The following KIF7 variants were observed in gnomAD, a reference collection of about 807,000 sequenced individuals.
KIF7 encodes the protein kinesin-like protein KIF7.
Under a neutral mutation model 135.7 loss-of-function variants are expected in KIF7, and 104 were observed. That is an observed-to-expected ratio of 0.77 (90% CI 0.65 to 0.90). The LOEUF (loss-of-function observed/expected upper bound fraction) is 0.90. KIF7 is among the 40% of genes least tolerant of loss of function. The pLI, the probability that KIF7 is intolerant of heterozygous loss-of-function variation, is 0.00. For synonymous variants in KIF7, 883 were observed against 809.4 expected, an observed-to-expected ratio of 1.09 and a Z score of -1.54; for missense variants, 2,005 against 1,839.1, an observed-to-expected ratio of 1.09 and a Z score of -1.65.
chr15:89,617,858 A>G (rs375941125), intron 2 of KIF7, among the ~76,000 whole-genome samples: 1 of 151,934 alleles, frequency 6.6e-6, no homozygotes, highest in African/African-American at 2.4e-5. Context: ...CGCCCAGCTA[A>G]TTTTTGTATT....
intron 1 of KIF7, chr15:89,618,315 T>C: frequency 9.6e-7 from 1 of 1,047,018 alleles, no homozygotes; most frequent in Non-Finnish European, 1.5e-6. Flanking sequence ...TTACAGAAAT[T>C]GTGATGGCTC....
chr15:89,652,716 T>C lies in KIF7; in HGVS notation c.215A>G (p.Gln72Arg), dbSNP rs1487401425. The change falls in exon 2 of 19, where the codon CAG becomes CGG. Residue 72 changes from glutamine (Q) to arginine (R), a missense_variant. Coordinates refer to ENST00000394412, the MANE Select transcript of KIF7 (RefSeq NM_198525.3). ...AEDAGQEAVYQACVQPLLEAF... is the reference protein window; with the variant it reads ...AEDAGQEAVYRACVQPLLEAF... ...CTCAAGGAGGGGCTGAACGCAGGCC[T>C]GGTACACGGCCTCCTGCCCCGCATC... 6.4e-7 allele frequency: 1 copy of C among 1,551,746 alleles called. No homozygotes were observed. The highest frequency in any genetic ancestry group is 8.7e-7 in the Non-Finnish European group (1 of 1,146,970).
At chr15:89,653,742 T>TTAG (rs1026936451) in intron 1 of KIF7, among the ~76,000 whole-genome samples, 6 of 149,760 alleles carry the variant, frequency 4.0e-5, no homozygotes, top group African/African-American at 1.5e-4. Context: ...GCTAATTTTA[T>TTAG]TATTAGTATT....
chr15:89,662,591 A>G, the KIF7 span, among the ~76,000 whole-genome samples: 1 of 152,204 alleles, frequency 6.6e-6, no homozygotes, highest in South Asian at 2.1e-4. Flanking sequence ...GCTGTGGCTG[A>G]GTTAGAAGCG....
At chr15:89,641,838 A>G (rs1963925648) in intron 11 of KIF7, among the ~76,000 whole-genome samples, 3 of 152,116 alleles carry the variant, frequency 2.0e-5, no homozygotes, top group Admixed American at 1.3e-4. Context: ...TTTGACGGAC[A>G]CATGGACCAA....
chr15:89,623,578 T>A, downstream of KIF7: 1 of 1,542,966 alleles, frequency 6.5e-7, no homozygotes. Context: ...TCAGAGATCA[T>A]GAGTTATAAT....
chr15:89,620,914 A>C (rs187903638), intron 1 of KIF7, among the ~76,000 whole-genome samples: 1 of 149,912 alleles, frequency 6.7e-6, no homozygotes, highest in East Asian at 2.0e-4. Context: ...TAGTAGAGAC[A>C]GGTTTCACTG....
downstream of KIF7, chr15:89,625,999 T>C (rs1208743085): frequency 6.2e-7 from 1 of 1,611,844 alleles, no homozygotes; most frequent in Non-Finnish European, 8.5e-7. Flanking sequence ...CTCCAGGCTC[T>C]GACCCAGTCT....
chr15:89,628,222 A>C lies in KIF7; in HGVS notation c.*197T>G. 1.9e-5 allele frequency: 11 copies of C among 571,238 alleles called. No individual in the cohort carries two copies. Among genetic ancestry groups the C allele is most frequent in the East Asian group, 8.7e-5 (3 of 34,446 alleles). 35.4% of individuals were successfully genotyped at this position (571,238 alleles called of 1,614,324 possible). On this transcript the variant is annotated 3_prime_UTR_variant, in exon 19 of 19. Coordinates refer to ENST00000394412, the MANE Select transcript of KIF7 (RefSeq NM_198525.3). ...AGCTTCATGGAAGTAAGTGGTGGGA[A>C]TTTGCATATTATTTTGTTAAATGAG...
rs1567060034 is a variant in KIF7, at chr15:89,633,736, G to C, written c.2542C>G (p.Gln848Glu). The change falls in exon 12 of 19, where the codon CAG (glutamine) becomes GAG (glutamate). Residue 848 changes from glutamine (Q) to glutamate (E), a missense_variant. Transcript: ENST00000394412. ...ATTTCTGCCTCCAGGCGCCGCTTCT[G>C]CTCCGTCTCCTCGCGAAGCCGCCTC... ...LQRRLREETE[Q>E]KRRLEAEMSK... 1 of 1,609,156 alleles carries C rather than the reference G, an allele frequency of 6.2e-7. No homozygotes were observed. The highest frequency in any genetic ancestry group is 8.5e-7 in the Non-Finnish European group (1 of 1,179,882).
intron 12 of KIF7, 126 bp downstream of exon 12, chr15:89,633,560 C>A: frequency 9.3e-7 from 1 of 1,071,724 alleles, no homozygotes; most frequent in South Asian, 1.4e-5. Flanking sequence ...CAGACTCAGG[C>A]TAAGTGACCT....
At chr15:89,645,299 T>A in intron 9 of KIF7, 37 bp downstream of exon 9, 2 of 1,601,136 alleles carry the variant, frequency 1.2e-6, no homozygotes, top group Non-Finnish European at 8.6e-7. Flanking sequence ...GGAGGGGCAG[T>A]GGGGAGGAGG....
intron 1 of KIF7, 65 bp from the exon 2 acceptor site, chr15:89,653,019 AG>A (rs1287255849): frequency 2.4e-6 from 3 of 1,272,168 alleles, no homozygotes; most frequent in Non-Finnish European, 2.1e-6. Context: ...CTCACCCTGC[AG>A]GGGACTCGAG....
At chr15:89,662,646 GA>G in the KIF7 span, among the ~76,000 whole-genome samples, 1 of 152,192 alleles carries the variant, frequency 6.6e-6, no homozygotes, top group Non-Finnish European at 1.5e-5. Flanking sequence ...TTCTCTGAAG[GA>G]CCCTGGGCAA....
At chr15:89,621,983 T>TTTG (rs1491100231) in intron 1 of KIF7, among the ~76,000 whole-genome samples, 2 of 27,954 alleles carry the variant, frequency 7.2e-5, no homozygotes, top group African/African-American at 4.5e-4. Flanking sequence ...AAACTGACTC[T>TTTG]TTTTTTTTTT....
intron 11 of KIF7, among the ~76,000 whole-genome samples, chr15:89,641,527 C>T (rs1274281114): frequency 3.9e-5 from 6 of 152,216 alleles, no homozygotes; most frequent in African/African-American, 9.7e-5. Context: ...ACCAGCTAGG[C>T]GTGGTGGCTC....
rs202195179 is a variant in KIF7, at chr15:89,629,527, G to T, written c.3365C>A (p.Ser1122Ter). Reference sequence around the variant, plus strand: ...CTCCTCCAGCTGCATCTCCAGTTCCGAGAAGGCAATCTGCTGCTGGTGCTG... The same window carrying T: ...CTCCTCCAGCTGCATCTCCAGTTCCTAGAAGGCAATCTGCTGCTGGTGCTG... ...EEQHQQQIAF[S>*]ELEMQLEEQQ... is the part of the protein sequence containing the mutation. The change falls in exon 17 of 19, where the codon TCG (serine) becomes TAG (stop). Residue 1122 changes from serine (S) to a stop codon, truncating the protein, a stop_gained. Coordinates refer to ENST00000394412, the MANE Select transcript of KIF7 (RefSeq NM_198525.3). LOFTEE classifies it high-confidence loss of function. 1.2e-6 allele frequency: 2 copies of T among 1,610,498 alleles called. No homozygotes were observed. Among genetic ancestry groups the T allele is most frequent in the East Asian group, 2.2e-5 (1 of 44,876 alleles).
chr15:89,629,028 G>C lies in KIF7; in HGVS notation c.3612C>G (p.Asn1204Lys), dbSNP rs918639337. Reference protein sequence around the residue: ...EKELGRYMWINQELKQKLGGV... With the variant: ...EKELGRYMWIKQELKQKLGGV... The stretch of plus-strand genomic sequence containing the variant: ...CGCCGAGCTTCTGTTTCAGTTCCTG[G>C]TTTATCCACATGTAACGGCCCAGTT... Residue 1204 changes from asparagine (N) to lysine (K), a missense_variant, in exon 18 of 19, where the codon AAC becomes AAG. Asn to Lys is a moderately conservative substitution (Grantham distance 94). Transcript: ENST00000394412. The C allele has an allele frequency of 3.1e-6, 5 of 1,613,624 alleles. No homozygotes were observed. The highest frequency in any genetic ancestry group is 4.2e-6 in the Non-Finnish European group (5 of 1,179,930).
intron 16 of KIF7, 43 bp downstream of exon 16, chr15:89,630,244 T>C: frequency 2.5e-6 from 4 of 1,569,986 alleles, no homozygotes; most frequent in African/African-American, 1.3e-5. Context: ...TCCCCACACG[T>C]GCCGCTGAGG....
Sources: allele counts gnomAD v4.1 joint callset (sites outside exome capture counted in the v4.1 genomes callset), GRCh38; gene constraint gnomAD v4.1.1; transcripts MANE v1.5; gene names NCBI Gene and HGNC (gene_info 2026-07-23, HGNC 2026-07-21).